TNFSF4: variants seen among roughly 807,000 people sequenced by gnomAD.
TNFSF4 encodes the protein tumor necrosis factor ligand superfamily member 4.
In TNFSF4, 4 loss-of-function variants were observed where a neutral mutation model predicts 7.3. The ratio of observed to expected loss-of-function variants is 0.55; its 90% confidence interval spans 0.27 to 1.25. The LOEUF is 1.25. Ranked by LOEUF, TNFSF4 falls within the 50% of genes most tolerant of loss-of-function variation. The probability of loss-of-function intolerance (pLI) is 0.12; values close to 1 mark genes in which losing one functional copy is unlikely to be tolerated. For missense variants in TNFSF4, 181 were observed against 208.8 expected, an observed-to-expected ratio of 0.87 and a Z score of 0.82; for synonymous variants, 76 against 83.7, an observed-to-expected ratio of 0.91 and a Z score of 0.50.
At chr1:173,239,593 T>C in the TNFSF4 span, among the ~76,000 whole-genome samples, 5 of 152,164 alleles carry the variant, frequency 3.3e-5, no homozygotes, top group African/African-American at 1.2e-4. Context: ...ACAGAAGAGA[T>C]GTCTGTGATC....
Position 173,185,620 on chromosome 1 carries a change from C to G in TNFSF4, c.*896G>C, listed in dbSNP as rs1224370565. 6.6e-6 allele frequency: 1 copy of G among 152,190 alleles called. No homozygotes were observed. Among genetic ancestry groups the G allele is most frequent in the Non-Finnish European group, 1.5e-5 (1 of 68,042 alleles). 9.4% of individuals were successfully genotyped at this position (152,190 alleles called of 1,614,324 possible). ...TAGGCAGGAGGATGAGCATGTGTTG[C>G]TTTGCCTGTCTGTGGCAAAGAATGT... On this transcript the variant is annotated 3_prime_UTR_variant, in exon 3 of 3. Coordinates refer to ENST00000281834, the MANE Select transcript of TNFSF4 (RefSeq NM_003326.5).
the TNFSF4 span, among the ~76,000 whole-genome samples, chr1:173,288,511 T>C: frequency 1.3e-5 from 2 of 152,244 alleles, no homozygotes; most frequent in East Asian, 3.9e-4. Flanking sequence ...CACAATATGA[T>C]TGATTTAATG....
chr1:173,253,518 T>C, the TNFSF4 span, among the ~76,000 whole-genome samples: 2 of 152,154 alleles, frequency 1.3e-5, no homozygotes, highest in Non-Finnish European at 2.9e-5. Context: ...GCCTTGCAAT[T>C]CAACCTTAAT....
the TNFSF4 span, among the ~76,000 whole-genome samples, chr1:173,276,909 T>C: frequency 6.6e-6 from 1 of 152,170 alleles, no homozygotes; most frequent in South Asian, 2.1e-4. Context: ...CTAACAGTGA[T>C]GCTGTGATAG....
chr1:173,274,124 T>TACACACACACACACACAC, the TNFSF4 span, among the ~76,000 whole-genome samples: 322 of 145,512 alleles, frequency 2.2e-3, no homozygotes, highest in Middle Eastern at 7.2e-3. Context: ...TCCATGTTCA[T>TACACACACACACACACAC]ACACACACAC....
the TNFSF4 span, among the ~76,000 whole-genome samples, chr1:173,220,020 A>C: frequency 0.028 from 4,271 of 152,166 alleles, 62 homozygotes; most frequent in Admixed American, 0.055. Context: ...TAACCAAACA[A>C]AACCTGTTCC....
At chr1:173,270,746 A>C in the TNFSF4 span, among the ~76,000 whole-genome samples, 1 of 152,132 alleles carries the variant, frequency 6.6e-6, no homozygotes, top group Non-Finnish European at 1.5e-5. Context: ...AGCAAAAACT[A>C]TTAGAAATAC....
chr1:173,418,616 T>G, the TNFSF4 span: 1 of 149,920 alleles, frequency 6.7e-6, no homozygotes, highest in Admixed American at 6.6e-5. Flanking sequence ...TCTTGAAAAC[T>G]TTCATACTAA....
chr1:173,327,761 C>G, the TNFSF4 span, among the ~76,000 whole-genome samples: 1 of 152,332 alleles, frequency 6.6e-6, no homozygotes, highest in Non-Finnish European at 1.5e-5. Flanking sequence ...AAATGCCCAT[C>G]ATCACTGGCC....
the TNFSF4 span, among the ~76,000 whole-genome samples, chr1:173,431,989 CCT>C: frequency 1.3e-5 from 2 of 152,074 alleles, no homozygotes; most frequent in Non-Finnish European, 2.9e-5. Flanking sequence ...GTAGCAATGC[CCT>C]GAGAGGACCT....
upstream of TNFSF4, among the ~76,000 whole-genome samples, chr1:173,210,397 A>C (rs1650333447): frequency 6.6e-6 from 1 of 152,154 alleles, no homozygotes; most frequent in Admixed American, 6.6e-5. Flanking sequence ...CAGTCTGGCC[A>C]TCTGGGGCAC....
At chr1:173,275,080 T>C in the TNFSF4 span, among the ~76,000 whole-genome samples, 1 of 152,104 alleles carries the variant, frequency 6.6e-6, no homozygotes. Context: ...CAAAATTTAG[T>C]TGGAAAGGAA....
chr1:173,269,195 A>C, the TNFSF4 span, among the ~76,000 whole-genome samples: 2 of 152,196 alleles, frequency 1.3e-5, no homozygotes, highest in African/African-American at 4.8e-5. Context: ...TAGGGAGTAG[A>C]TAGAGGGGTA....
the TNFSF4 span, among the ~76,000 whole-genome samples, chr1:173,328,170 A>G: frequency 1.8e-4 from 27 of 152,276 alleles, no homozygotes; most frequent in African/African-American, 6.5e-4. Context: ...AATACTATGC[A>G]GCCATAAAAA....
chr1:173,228,324 G>C, the TNFSF4 span, among the ~76,000 whole-genome samples: 1 of 152,184 alleles, frequency 6.6e-6, no homozygotes, highest in African/African-American at 2.4e-5. Context: ...AGAGGGTCTG[G>C]AGTGGACCTC....
chr1:173,188,040 T>C (rs1649306360), intron 2 of TNFSF4, among the ~76,000 whole-genome samples: 1 of 152,208 alleles, frequency 6.6e-6, no homozygotes, highest in Non-Finnish European at 1.5e-5. Context: ...TGGAAACCAC[T>C]AGGGGTTGTG....
chr1:173,419,911 G>C, the TNFSF4 span, among the ~76,000 whole-genome samples: 43 of 152,086 alleles, frequency 2.8e-4, no homozygotes, highest in East Asian at 1.4e-3. Context: ...GTGGCGGGGG[G>C]GGGGATGAGA....
chr1:173,268,953 T>C, the TNFSF4 span, among the ~76,000 whole-genome samples: 1 of 152,148 alleles, frequency 6.6e-6, no homozygotes, highest in Non-Finnish European at 1.5e-5. Flanking sequence ...AAGACCACAG[T>C]TGTAAATACA....
At chr1:173,288,009 A>C in the TNFSF4 span, among the ~76,000 whole-genome samples, 1 of 152,210 alleles carries the variant, frequency 6.6e-6, no homozygotes, top group Non-Finnish European at 1.5e-5. Flanking sequence ...TGAACTAGAC[A>C]TTTAAGATTT....
Sources: allele counts gnomAD v4.1 joint callset (sites outside exome capture counted in the v4.1 genomes callset), GRCh38; gene constraint gnomAD v4.1.1; transcripts MANE v1.5; gene names NCBI Gene and HGNC (gene_info 2026-07-23, HGNC 2026-07-21).